Variants in DPP6 observed in about 807,000 individuals in gnomAD.
The protein encoded by DPP6 is A-type potassium channel modulatory protein DPP6.
Under a neutral mutation model 122.6 loss-of-function variants are expected in DPP6, and 69 were observed. The observed-to-expected ratio is 0.56, with a 90% confidence interval of 0.46 to 0.69. The LOEUF is 0.69. Among genes scored for constraint, DPP6 ranks in the 30% least tolerant of loss-of-function variants. The probability of loss-of-function intolerance (pLI) is 0.00; values close to 1 mark genes in which losing one functional copy is unlikely to be tolerated. For synonymous variants in DPP6, 418 were observed against 433.1 expected (o/e 0.97, Z 0.43); for missense variants, 928 against 1,116.9 (o/e 0.83, Z 2.41).
At chr7:153,931,143 T>G (rs1801152375) in intron 1 of DPP6, among the ~76,000 whole-genome samples, 1 of 152,200 alleles carries the variant, frequency 6.6e-6, no homozygotes, top group South Asian at 2.1e-4. Context: ...TGGTCACACT[T>G]GTGTACTTGC....
chr7:154,730,849 T>C (rs1842305340), intron 8 of DPP6, among the ~76,000 whole-genome samples: 1 of 152,250 alleles, frequency 6.6e-6, no homozygotes, highest in Non-Finnish European at 1.5e-5. Flanking sequence ...TAGTATCTTC[T>C]TAATAAAATA....
chr7:154,191,700 C>A (rs543403693), intron 1 of DPP6, among the ~76,000 whole-genome samples: 6 of 152,244 alleles, frequency 3.9e-5, no homozygotes, highest in African/African-American at 1.4e-4. Context: ...GTTAGGAATG[C>A]GTCGAGTCTG....
chr7:154,538,413 C>A (rs1025661207), intron 3 of DPP6, among the ~76,000 whole-genome samples: 2 of 152,032 alleles, frequency 1.3e-5, no homozygotes, highest in Non-Finnish European at 2.9e-5. Flanking sequence ...CTGCAACAGG[C>A]CCCAGTGTAT....
chr7:154,120,356 T>C (rs71532646), intron 1 of DPP6, among the ~76,000 whole-genome samples: 10 of 152,070 alleles, frequency 6.6e-5, no homozygotes, highest in East Asian at 5.8e-4. Flanking sequence ...GCCATTCTCC[T>C]GCCTCAGCCT....
In DPP6 at chr7:154,581,306, C is replaced by T. The variant is rs545829142; in HGVS notation, c.627+14390C>T. 8.5e-5 allele frequency among the ~76,000 whole-genome samples: 13 copies of T among 152,126 alleles called. No individual in the cohort carries two copies. The East Asian group carries it at 1.5e-3, about 18-fold the overall frequency. On this transcript the variant is annotated intron_variant, in intron 5 of 25. Transcript: ENST00000377770. ...GAGAAGGGGCCGTGAAGAGATGGAA[C>T]GGACTGGCAGAGGAGATTTGTGTGG...
intron 1 of DPP6, among the ~76,000 whole-genome samples, chr7:153,984,695 C>G (rs547590038): frequency 1.4e-4 from 21 of 152,112 alleles, no homozygotes; most frequent in Non-Finnish European, 2.9e-4. Flanking sequence ...CCCACTTGTT[C>G]TTCATGAATT....
intron 5 of DPP6, among the ~76,000 whole-genome samples, chr7:154,578,982 A>G (rs1831867291): frequency 2.0e-5 from 3 of 152,258 alleles, no homozygotes; most frequent in Admixed American, 2.0e-4. Context: ...CTAGCTCTCC[A>G]CCTGAGCAAC....
At chr7:153,887,823 A>G (rs965410326) in intron 1 of DPP6, 10 of 1,432,296 alleles carry the variant, frequency 7.0e-6, no homozygotes, top group Admixed American at 2.0e-5. Context: ...TCAGTCCCGA[A>G]CCTCCCTGGA....
intron 1 of DPP6, among the ~76,000 whole-genome samples, chr7:154,074,775 T>G (rs1377231704): frequency 6.6e-6 from 1 of 152,004 alleles, no homozygotes; most frequent in Non-Finnish European, 1.5e-5. Flanking sequence ...AAGACCCCGC[T>G]GAGAGTTCCA....
At chr7:153,828,354 C>T in the DPP6 span, among the ~76,000 whole-genome samples, 63 of 152,120 alleles carry the variant, frequency 4.1e-4, no homozygotes, top group Admixed American at 5.9e-4. Flanking sequence ...GGAATCTACA[C>T]GTGGGATTAA....
intron 8 of DPP6, among the ~76,000 whole-genome samples, chr7:154,731,941 C>T (rs1241495893): frequency 4.6e-5 from 7 of 152,124 alleles, no homozygotes; most frequent in African/African-American, 1.7e-4. Context: ...AGTTGGAATT[C>T]TCCAAGTTTT....
intron 1 of DPP6, among the ~76,000 whole-genome samples, chr7:154,283,243 G>A (rs1804643573): frequency 6.6e-6 from 1 of 152,134 alleles, no homozygotes; most frequent in Admixed American, 6.6e-5. Context: ...CATGAACTCT[G>A]CAGCCACAGG....
chr7:154,341,767 C>T (rs1380606852), intron 1 of DPP6, among the ~76,000 whole-genome samples: 2 of 151,766 alleles, frequency 1.3e-5, no homozygotes, highest in East Asian at 1.9e-4. Flanking sequence ...TTTTATGTTC[C>T]AGGTGTTGTA....
intron 5 of DPP6, among the ~76,000 whole-genome samples, chr7:154,613,194 G>A (rs1834017320): frequency 6.6e-6 from 1 of 152,054 alleles, no homozygotes; most frequent in Non-Finnish European, 1.5e-5. Context: ...ATGAATTCTG[G>A]GGTACACAGA....
chr7:154,216,382 G>A (rs4726386), intron 1 of DPP6, among the ~76,000 whole-genome samples: 101,934 of 152,074 alleles, frequency 0.67, 36,984 homozygotes, highest in Non-Finnish European at 0.81. Context: ...GCATAATCAA[G>A]GGTGTGGTCA....
At chr7:154,018,621 T>C (rs1020900104) in intron 1 of DPP6, among the ~76,000 whole-genome samples, 2 of 152,248 alleles carry the variant, frequency 1.3e-5, no homozygotes, top group African/African-American at 4.8e-5. Flanking sequence ...AGGAGAGCCT[T>C]TCAGGCAGTT....
chr7:154,063,127 ACC>A (rs1304910993), intron 1 of DPP6, among the ~76,000 whole-genome samples: 1 of 107,328 alleles, frequency 9.3e-6, no homozygotes, highest in African/African-American at 3.5e-5. Flanking sequence ...GGGGGGAGGC[ACC>A]CCCCACGAGA....
intron 1 of DPP6, among the ~76,000 whole-genome samples, chr7:154,061,576 T>C (rs1585276059): frequency 6.9e-6 from 1 of 145,878 alleles, no homozygotes; most frequent in East Asian, 2.0e-4. Context: ...ATGGCTGAGA[T>C]CCATCCCCTC....
intron 5 of DPP6, among the ~76,000 whole-genome samples, chr7:154,633,037 A>C (rs1356679109): frequency 6.6e-6 from 1 of 152,198 alleles, no homozygotes; most frequent in Non-Finnish European, 1.5e-5. Context: ...TTGGGAAATA[A>C]GTTCTCCTTT....
Sources: gnomAD v4.1 joint callset for allele counts (sites outside exome capture counted in the v4.1 genomes callset) on GRCh38, gnomAD v4.1.1 for gene constraint, MANE v1.5 for transcripts, NCBI Gene and HGNC (gene_info 2026-07-23, HGNC 2026-07-21) for gene names.